CST5: variants seen among roughly 807,000 people sequenced by gnomAD.
CST5 encodes the protein cystatin-D.
A neutral mutation model predicts 11.5 loss-of-function variants in CST5; 13 were observed. The observed-to-expected ratio is 1.13, with a 90% CI of 0.73 to 1.79. CST5 has a LOEUF of 1.79. CST5 is among the 40% of genes most tolerant of loss of function. The pLI is 0.00. For missense variants in CST5, 219 were observed against 174.5 expected (o/e 1.25, Z -1.44); for synonymous variants, 81 against 67.6 (o/e 1.20, Z -0.97).
chr20:23,877,192 A>G (rs917595189), intron 2 of CST5, among the ~76,000 whole-genome samples: 1 of 151,710 alleles, frequency 6.6e-6, no homozygotes, highest in Non-Finnish European at 1.5e-5. Flanking sequence ...ACACATATGC[A>G]TCTTTCTACA....
intron 1 of CST5, among the ~76,000 whole-genome samples, chr20:23,879,184 G>A (rs1986028252): frequency 6.6e-6 from 1 of 152,140 alleles, no homozygotes; most frequent in Non-Finnish European, 1.5e-5. Flanking sequence ...ATCCACACCT[G>A]CTGGACCCTG....
chr20:23,879,387 G>A (rs1008038117), intron 1 of CST5, 59 bp downstream of exon 1: 3 of 1,266,100 alleles, frequency 2.4e-6, no homozygotes, highest in Non-Finnish European at 3.4e-6. Flanking sequence ...AGTGCTCTGG[G>A]GGGTGAGGCA....
chr20:23,878,322 G>A (rs959785118), intron 1 of CST5, among the ~76,000 whole-genome samples: 3 of 152,196 alleles, frequency 2.0e-5, no homozygotes, highest in African/African-American at 2.4e-5. Context: ...ACACCTGCAT[G>A]TCTTAGGGTT....
At position 23,877,554 on chromosome 20, in the gene CST5, T is replaced by TG. The variant is rs761390861; in HGVS notation, c.295dup (p.Gln99ProfsTer11). On this transcript the variant is annotated frameshift_variant, in exon 2 of 3. Coordinates refer to ENST00000304710, the MANE Select transcript of CST5 (RefSeq NM_001900.5). LOFTEE classifies it low-confidence loss of function (END_TRUNC). ...GAAGGGACAGTTGTCCAAGTTGGGC[T>TG]GGGACTTGGTGCATGTGGTTCGACC... 4 of 1,614,078 alleles carry TG rather than the reference T, an allele frequency of 2.5e-6. No homozygotes were observed. The East Asian group carries it at 8.9e-5, about 36-fold the overall frequency.
chr20:23,877,667 A>G (rs781116894), intron 1 of CST5, 49 bp from the exon 2 acceptor site: 19 of 1,445,640 alleles, frequency 1.3e-5, no homozygotes, highest in Non-Finnish European at 1.7e-5. Flanking sequence ...TGTCAGTTTC[A>G]TGCACACGCA....
At position 23,877,493 on chromosome 20, in the gene CST5, T is replaced by C; in HGVS notation, c.345+12A>G. ...CGGTACTTGATGCCCCTGACCCACA[T>C]CAGGCACATACCTCTTTCAGTTTTG... On this transcript the variant is annotated intron_variant, in intron 2 of 2. Transcript: ENST00000304710. 2 of 1,609,474 alleles carry C rather than the reference T, an allele frequency of 1.2e-6. No individual in the cohort carries two copies. Among genetic ancestry groups the C allele is most frequent in the East Asian group, 2.2e-5 (1 of 44,844 alleles).
chr20:23,878,201 G>C lies in CST5; in HGVS notation c.232-583C>G, dbSNP rs117757386. On this transcript the variant is annotated intron_variant, in intron 1 of 2. Transcript: ENST00000304710. ...CAGAGGTATTTTTCCTCATTTCTCAGTAGGAGATGAGATGCTCACATACAT... is the reference window on the plus strand; with the variant it reads ...CAGAGGTATTTTTCCTCATTTCTCACTAGGAGATGAGATGCTCACATACAT... Among the ~76,000 whole-genome samples, 1,393 of 152,280 alleles carry C rather than the reference G, an allele frequency of 9.1e-3. 22 individuals are homozygous for C. The highest frequency in any genetic ancestry group is 0.037 in the East Asian group (194 of 5,184).
intron 2 of CST5, among the ~76,000 whole-genome samples, chr20:23,876,540 C>T (rs1231968117): frequency 1.3e-5 from 2 of 152,194 alleles, no homozygotes; most frequent in East Asian, 1.9e-4. Flanking sequence ...CTATGAGGAG[C>T]AGCCTGTGCA....
At position 23,876,194 on chromosome 20, in the gene CST5, T is replaced by C; in HGVS notation, c.423A>G (p.Lys141=). 2 of 1,613,408 alleles carry C rather than the reference T, an allele frequency of 1.2e-6. No individual in the cohort carries two copies. The highest frequency in any genetic ancestry group is 1.7e-6 in the Non-Finnish European group (2 of 1,179,384). The change falls in exon 3 of 3, where the codon AAA becomes AAG. Residue 141 remains lysine (K), a synonymous_variant. Coordinates refer to ENST00000304710, the MANE Select transcript of CST5 (RefSeq NM_001900.5). ...KISILNYKCR[K]V ...ACAGGCCTTGCACAGACCCCTAGAC[T>C]TTCCGGCACTTGTAGTTCAGAATGG...
Position 23,879,389 on chromosome 20 carries a change from G to C in CST5, c.231+57C>G. The stretch of plus-strand genomic sequence containing the variant: ...TTGATTTGCTGGGAGTGCTCTGGGG[G>C]GTGAGGCAAAAAACCCAGCTGGGAC... On this transcript the variant is annotated intron_variant, in intron 1 of 2. Coordinates refer to ENST00000304710, the MANE Select transcript of CST5 (RefSeq NM_001900.5). 3.1e-6 allele frequency: 4 copies of C among 1,292,302 alleles called. 1 individual carries two copies. In the South Asian group the frequency reaches 4.8e-5, roughly 15 times the overall value. 80.1% of individuals were successfully genotyped at this position (1,292,302 alleles called of 1,614,324 possible).
chr20:23,877,164 C>T (rs1217973917), intron 2 of CST5, among the ~76,000 whole-genome samples: 1 of 151,942 alleles, frequency 6.6e-6, no homozygotes, highest in Non-Finnish European at 1.5e-5. Flanking sequence ...CACTCCTGTG[C>T]ATCTTCCTCA....
chr20:23,877,653 A>C, intron 1 of CST5, 35 bp from the exon 2 acceptor site: 2 of 1,537,028 alleles, frequency 1.3e-6, no homozygotes, highest in Non-Finnish European at 9.0e-7. Context: ...CAGGGGCAGC[A>C]TGCTGTCAGT....
chr20:23,879,390 G>C (rs527311434), intron 1 of CST5, 56 bp downstream of exon 1: 16 of 1,325,172 alleles, frequency 1.2e-5, no homozygotes, highest in Non-Finnish European at 1.7e-5. Context: ...GCTCTGGGGG[G>C]TGAGGCAAAA....
In CST5 at chr20:23,876,227, A is replaced by T. The variant is rs1414899906; in HGVS notation, c.390T>A (p.Asp130Glu). Residue 130 changes from aspartate to glutamate, a missense_variant, in exon 3 of 3, where the codon GAT (aspartate) becomes GAA (glutamate). Asp to Glu is a conservative substitution (Grantham distance 45, BLOSUM62 2). Transcript: ENST00000304710. ...ACTTGTAGTTCAGAATGGAAATTTT[A>T]TCCTCCCAGGGAACTTCATTGATCT... Reference protein sequence around the residue: ...SFQINEVPWEDKISILNYKCR... With the variant: ...SFQINEVPWEEKISILNYKCR... 6.2e-7 allele frequency: 1 copy of T among 1,613,816 alleles called. No individual in the cohort carries two copies. The highest frequency in any genetic ancestry group is 1.7e-5 in the Admixed American group (1 of 60,002).
In CST5 at chr20:23,876,126, G is replaced by T. The variant is rs1985955818; in HGVS notation, c.*62C>A. On this transcript the variant is annotated 3_prime_UTR_variant, in exon 3 of 3. Coordinates refer to ENST00000304710, the MANE Select transcript of CST5 (RefSeq NM_001900.5). ...CAGGGTGGGGGCCACCAGTCCAGGG[G>T]TGGGAGCACTACAGGGGGTGGGAGT... 5.1e-6 allele frequency: 7 copies of T among 1,380,862 alleles called. No individual in the cohort carries two copies. In the South Asian group the frequency reaches 8.3e-5, roughly 16 times the overall value. The allele number at this position is 1,380,862 out of a possible 1,614,324, so 85.5% of individuals were successfully genotyped here. A position where few individuals can be genotyped will look rare whatever the true frequency, so the allele number is the denominator to read the frequency against.
intron 2 of CST5, among the ~76,000 whole-genome samples, chr20:23,877,123 T>A (rs1985980150): frequency 6.6e-6 from 1 of 152,052 alleles, no homozygotes; most frequent in African/African-American, 2.4e-5. Flanking sequence ...ACCCACATAC[T>A]CCTTCACACA....
In CST5 at chr20:23,879,527, A is replaced by G; in HGVS notation, c.150T>C (p.Phe50=). The G allele has an allele frequency of 6.2e-7, 1 of 1,614,040 alleles. No individual in the cohort carries two copies. Among genetic ancestry groups the G allele is most frequent in the Non-Finnish European group, 8.5e-7 (1 of 1,179,982 alleles). Residue 50 remains phenylalanine, a synonymous_variant, in exon 1 of 3, where the codon TTT becomes TTC. Transcript: ENST00000304710. ...TGACCTTGTTGTACTCGCTGATGGC[A>G]AAGTCCAGGGCACACTGCACACTCT... ...NDKSVQCALD[F]AISEYNKVIN...
In CST5 at chr20:23,879,729, A is replaced by C; in HGVS notation, c.-53T>G. ...TGGATCTCCCAGAGAGCAAAGCAGC[A>C]GAAGGCTGAGGCAGGAAGCCCAGGC... On this transcript the variant is annotated 5_prime_UTR_variant, in exon 1 of 3. Coordinates refer to ENST00000304710, the MANE Select transcript of CST5 (RefSeq NM_001900.5). The C allele has an allele frequency of 6.4e-7, 1 of 1,560,610 alleles. No homozygotes were observed. Among genetic ancestry groups the C allele is most frequent in the South Asian group, 1.2e-5 (1 of 86,310 alleles).
Position 23,879,573 on chromosome 20 carries a change from T to G in CST5, c.104A>C (p.His35Pro). Residue 35 changes from histidine (H) to proline (P), a missense_variant, in exon 1 of 3, where the codon CAT becomes CCT. Physicochemically the swap from His to Pro is moderately conservative, Grantham distance 77 (BLOSUM62 -2). Transcript: ENST00000304710. Reference protein sequence around the residue: ...AQSRTLAGGIHATDLNDKSVQ... With the variant: ...AQSRTLAGGIPATDLNDKSVQ... Reference sequence around the variant, plus strand: ...ACTCTTGTCATTGAGGTCTGTGGCATGGATGCCACCTGCCAAGGTCCTAGA... The same window carrying G: ...ACTCTTGTCATTGAGGTCTGTGGCAGGGATGCCACCTGCCAAGGTCCTAGA... The G allele has an allele frequency of 6.2e-7, 1 of 1,614,076 alleles. No individual in the cohort carries two copies. Among genetic ancestry groups the G allele is most frequent in the African/African-American group, 1.3e-5 (1 of 75,012 alleles).
Sources: allele counts gnomAD v4.1 joint callset (sites outside exome capture counted in the v4.1 genomes callset), GRCh38; gene constraint gnomAD v4.1.1; transcripts MANE v1.5; gene names NCBI Gene and HGNC (gene_info 2026-07-23, HGNC 2026-07-21).